The following TMEM132D variants were observed in gnomAD, a reference collection of about 807,000 sequenced individuals.
TMEM132D encodes the protein mature OL transmembrane protein.
Under a neutral mutation model 62.3 loss-of-function variants are expected in TMEM132D, and 21 were observed. That is an observed-to-expected ratio of 0.34 (90% CI 0.24 to 0.49). TMEM132D has a LOEUF of 0.49. Ranked by LOEUF, TMEM132D falls within the 20% of genes least tolerant of loss-of-function variation. The pLI is 0.99. For missense variants in TMEM132D, 1,346 were observed against 1,402.8 expected (o/e 0.96, Z 0.65); for synonymous variants, 621 against 575.6 (o/e 1.08, Z -1.13).
At chr12:129,866,146 C>T (rs777810698) in intron 1 of TMEM132D, among the ~76,000 whole-genome samples, 9 of 152,018 alleles carry the variant, frequency 5.9e-5, no homozygotes, top group Admixed American at 1.3e-4. Flanking sequence ...TGACTATTCA[C>T]CAGGGAAATG....
In TMEM132D at chr12:129,827,305, A is replaced by C. The variant is rs186297655; in HGVS notation, c.79+75956T>G. ...GAAACTAAGTAATTTGCCCAACAGC[A>C]CCCAGTTAACAAAGGGTCCTCTCCA... On this transcript the variant is annotated intron_variant, in intron 1 of 8. Transcript: ENST00000422113. The surrounding 1 kb of genome is among the most constrained non-coding windows in gnomAD (Gnocchi z 9.7). Among the ~76,000 whole-genome samples, 71 of 152,260 alleles carry C rather than the reference A, an allele frequency of 4.7e-4. No homozygotes were observed. Among genetic ancestry groups the C allele is most frequent in the African/African-American group, 1.7e-3 (69 of 41,556 alleles).
At chr12:129,137,624 T>C (rs766271229) in intron 5 of TMEM132D, among the ~76,000 whole-genome samples, 10 of 152,214 alleles carry the variant, frequency 6.6e-5, no homozygotes, top group Non-Finnish European at 8.8e-5. Context: ...TTCTAGACAG[T>C]AGGAAATGGC....
chr12:129,823,244 T>C (rs1191818029), intron 1 of TMEM132D, among the ~76,000 whole-genome samples: 1 of 152,226 alleles, frequency 6.6e-6, no homozygotes, highest in Non-Finnish European at 1.5e-5. Context: ...AATAAACCTC[T>C]TTTCTTTATA....
chr12:129,444,334 TG>T lies in TMEM132D; in HGVS notation c.1115+86724del, dbSNP rs1171988164. Among the ~76,000 whole-genome samples the T allele has an allele frequency of 2.0e-5, 3 of 152,172 alleles. No individual in the cohort carries two copies. In the East Asian group the frequency reaches 5.8e-4, roughly 29 times the overall value. On this transcript the variant is annotated intron_variant, in intron 3 of 8. Coordinates refer to ENST00000422113, the MANE Select transcript of TMEM132D (RefSeq NM_133448.3). ...CAGAGTAAACAGACAACTTACGGAATGGGGGAAAATTTTTGTAACAATACAT... is the reference window on the plus strand; with the variant it reads ...CAGAGTAAACAGACAACTTACGGAATGGGGAAAATTTTTGTAACAATACAT...
intron 4 of TMEM132D, among the ~76,000 whole-genome samples, chr12:129,250,084 G>A (rs1049126347): frequency 6.6e-6 from 1 of 152,120 alleles, no homozygotes; most frequent in Non-Finnish European, 1.5e-5. Flanking sequence ...GGTGCCAGAT[G>A]CCCCAAATGG....
chr12:129,353,617 A>G (rs1279966292), intron 3 of TMEM132D, among the ~76,000 whole-genome samples: 1 of 152,118 alleles, frequency 6.6e-6, no homozygotes, highest in Non-Finnish European at 1.5e-5. Flanking sequence ...ACAAAGTGCA[A>G]TCATCAGGAG....
intron 5 of TMEM132D, among the ~76,000 whole-genome samples, chr12:129,112,373 A>G (rs1875743297): frequency 6.6e-6 from 1 of 152,220 alleles, no homozygotes; most frequent in African/African-American, 2.4e-5. Context: ...ATTAATTAAA[A>G]TTAAGTGGCC....
chr12:129,742,219 G>C (rs555566386), intron 1 of TMEM132D, among the ~76,000 whole-genome samples: 2 of 152,344 alleles, frequency 1.3e-5, no homozygotes, highest in African/African-American at 4.8e-5. Context: ...AGCTGAGACT[G>C]AGTAATTTAT....
chr12:129,888,195 A>C (rs1484109435), intron 1 of TMEM132D, among the ~76,000 whole-genome samples: 1 of 152,224 alleles, frequency 6.6e-6, no homozygotes, highest in Admixed American at 6.5e-5. Flanking sequence ...TCCATTGTGC[A>C]TAGTTTTTAC....
intron 3 of TMEM132D, among the ~76,000 whole-genome samples, chr12:129,530,031 AGAATAAAAAG>A (rs1876169219): frequency 6.6e-6 from 1 of 152,236 alleles, no homozygotes; most frequent in Non-Finnish European, 1.5e-5. Context: ...CAAATCTTCA[AGAATAAAAAG>A]GAAAGGCCCA....
intron 1 of TMEM132D, among the ~76,000 whole-genome samples, chr12:129,776,788 C>CAA (rs148740560): frequency 0.018 from 1,243 of 68,408 alleles, 20 homozygotes; most frequent in African/African-American, 0.05. Flanking sequence ...TAATGGGCTT[C>CAA]AAAAAAAAAA....
chr12:129,348,578 G>A (rs1304333640), intron 3 of TMEM132D, among the ~76,000 whole-genome samples: 2 of 152,046 alleles, frequency 1.3e-5, no homozygotes, highest in Non-Finnish European at 2.9e-5. Flanking sequence ...AGGGAAGGGA[G>A]AGCATGAGGA....
rs546745844 is a variant in TMEM132D, at chr12:129,309,860, T to C, written c.1299+27774A>G. Among the ~76,000 whole-genome samples the C allele has an allele frequency of 2.0e-5, 3 of 151,842 alleles. No individual in the cohort carries two copies. The South Asian group carries it at 6.3e-4, about 32-fold the overall frequency. ...CAAAGCTACATTTAAAAAAAAACTATAAGAAAATAGATACAAAAGCCATGG... is the reference window on the plus strand; with the variant it reads ...CAAAGCTACATTTAAAAAAAAACTACAAGAAAATAGATACAAAAGCCATGG... On this transcript the variant is annotated intron_variant, in intron 4 of 8. Transcript: ENST00000422113.
At chr12:129,544,244 A>T (rs1211762788) in intron 2 of TMEM132D, among the ~76,000 whole-genome samples, 1 of 152,190 alleles carries the variant, frequency 6.6e-6, no homozygotes, top group Non-Finnish European at 1.5e-5. Flanking sequence ...ACGTCTGTTC[A>T]AATCCTTTGT....
chr12:129,261,525 T>C (rs1001313771), intron 4 of TMEM132D, among the ~76,000 whole-genome samples: 5 of 152,214 alleles, frequency 3.3e-5, no homozygotes, highest in Admixed American at 1.3e-4. Context: ...TCTTTTCCTT[T>C]ATAAATTCCT....
chr12:129,735,380 A>T (rs1380002064), intron 1 of TMEM132D, among the ~76,000 whole-genome samples: 1 of 152,240 alleles, frequency 6.6e-6, no homozygotes, highest in Non-Finnish European at 1.5e-5. Flanking sequence ...TTGTTGAATA[A>T]AGTACAGTAC....
intron 4 of TMEM132D, among the ~76,000 whole-genome samples, chr12:129,293,136 T>C (rs1176522992): frequency 1.3e-5 from 2 of 152,162 alleles, no homozygotes; most frequent in Admixed American, 6.5e-5. Flanking sequence ...GGAGATTTCC[T>C]GTGCCCTAGG....
At chr12:129,382,472 C>T (rs1335825220) in intron 3 of TMEM132D, among the ~76,000 whole-genome samples, 1 of 152,190 alleles carries the variant, frequency 6.6e-6, no homozygotes, top group Non-Finnish European at 1.5e-5. Flanking sequence ...GAGGATCCTC[C>T]AGCAAGATGG....
At chr12:129,378,851 G>A (rs1434367417) in intron 3 of TMEM132D, among the ~76,000 whole-genome samples, 1 of 152,184 alleles carries the variant, frequency 6.6e-6, no homozygotes, top group Non-Finnish European at 1.5e-5. Context: ...GCCGTTGACG[G>A]TGTAAATTTT....
Sources: gnomAD v4.1 joint callset for allele counts (sites outside exome capture counted in the v4.1 genomes callset) on GRCh38, gnomAD v4.1.1 for gene constraint, Gnocchi (gnomAD v3.1) non-coding constraint, MANE v1.5 for transcripts, NCBI Gene and HGNC (gene_info 2026-07-23, HGNC 2026-07-21) for gene names.